CSMD1: variants seen among roughly 807,000 people sequenced by gnomAD.
The protein encoded by CSMD1 is CUB and Sushi multiple domains 1, also known as CUB and sushi domain-containing protein 1.
In CSMD1, 213 loss-of-function variants were observed where a neutral mutation model predicts 417.5. The observed-to-expected ratio is 0.51, with a 90% CI of 0.46 to 0.57. CSMD1 has a LOEUF of 0.57. Ranked by LOEUF, CSMD1 falls within the 20% of genes least tolerant of loss-of-function variation. CSMD1 has a pLI of 0.00. For missense variants in CSMD1, 6,923 were observed against 4,529.7 expected (o/e 1.53, Z -15.17); for synonymous variants, 2,862 against 1,736.8 (o/e 1.65, Z -16.11).
chr8:3,141,834 G>C (rs1818505530), intron 41 of CSMD1, among the ~76,000 whole-genome samples: 1 of 146,792 alleles, frequency 6.8e-6, no homozygotes. Context: ...GTCTGGCTCT[G>C]TCGCCCAGGC....
intron 7 of CSMD1, chr8:3,702,061 A>G (rs536823697): frequency 2.0e-5 from 3 of 152,294 alleles, no homozygotes; most frequent in African/African-American, 7.2e-5. Flanking sequence ...GGTTAAATAC[A>G]GGAGAATTCC....
intron 5 of CSMD1, among the ~76,000 whole-genome samples, chr8:3,811,582 T>C (rs961783158): frequency 2.1e-4 from 32 of 152,252 alleles, no homozygotes; most frequent in African/African-American, 6.0e-4. Context: ...GTCAAGGCCA[T>C]CATGGGACAA....
intron 25 of CSMD1, among the ~76,000 whole-genome samples, chr8:3,286,076 G>T (rs186213951): frequency 6.6e-6 from 1 of 152,028 alleles, no homozygotes; most frequent in Non-Finnish European, 1.5e-5. Flanking sequence ...AACATGAGGC[G>T]TTTGGTTTTT....
At chr8:4,196,859 T>C (rs568622624) in intron 3 of CSMD1, among the ~76,000 whole-genome samples, 62 of 152,184 alleles carry the variant, frequency 4.1e-4, no homozygotes, top group Non-Finnish European at 6.9e-4. Context: ...CATGCCTTCA[T>C]AGAAAACATA....
intron 1 of CSMD1, among the ~76,000 whole-genome samples, chr8:4,798,074 A>C (rs1404730098): frequency 6.6e-6 from 1 of 152,210 alleles, no homozygotes; most frequent in East Asian, 1.9e-4. Flanking sequence ...CAGGTTTCTT[A>C]AGTATGTGTA....
intron 3 of CSMD1, among the ~76,000 whole-genome samples, chr8:4,240,556 C>T (rs568692929): frequency 1.3e-5 from 2 of 152,152 alleles, no homozygotes; most frequent in African/African-American, 2.4e-5. Context: ...GAAGCCTGTG[C>T]CTCCTGCCTT....
At chr8:3,206,565 A>ATGTG (rs67690876) in intron 30 of CSMD1, among the ~76,000 whole-genome samples, 2 of 96,770 alleles carry the variant, frequency 2.1e-5, no homozygotes, top group African/African-American at 8.3e-5. Context: ...CTGTGTGTGT[A>ATGTG]TGTGTGTGTG....
At chr8:4,237,713 A>G (rs575831872) in intron 3 of CSMD1, among the ~76,000 whole-genome samples, 3 of 152,102 alleles carry the variant, frequency 2.0e-5, no homozygotes, top group African/African-American at 7.2e-5. Flanking sequence ...TGGTTTTGCT[A>G]TGTTGACCAG....
chr8:4,107,328 C>G (rs966414584), intron 3 of CSMD1, among the ~76,000 whole-genome samples: 3 of 152,180 alleles, frequency 2.0e-5, no homozygotes, highest in Non-Finnish European at 4.4e-5. Context: ...GAGAGGATTT[C>G]CATTCAGGAA....
At chr8:4,494,218 C>T (rs1048382072) in intron 2 of CSMD1, among the ~76,000 whole-genome samples, 1 of 152,096 alleles carries the variant, frequency 6.6e-6, no homozygotes, top group Non-Finnish European at 1.5e-5. Context: ...TCTTCCTTAC[C>T]AAAAACAGAT....
At chr8:3,409,687 G>C in intron 12 of CSMD1, 82 bp from the exon 13 acceptor site, 1 of 1,146,384 alleles carries the variant, frequency 8.7e-7, no homozygotes, top group Non-Finnish European at 1.2e-6. Context: ...AAGTAAATAC[G>C]TGGCTTCTTT....
intron 10 of CSMD1, among the ~76,000 whole-genome samples, chr8:3,551,598 T>TATATA (rs199718196): frequency 1.4e-4 from 14 of 97,800 alleles, no homozygotes; most frequent in African/African-American, 5.0e-4. Flanking sequence ...ATATATATAT[T>TATATA]TTTTTTTTTT....
intron 1 of CSMD1, among the ~76,000 whole-genome samples, chr8:4,733,406 T>C (rs957503140): frequency 2.6e-5 from 4 of 152,112 alleles, no homozygotes; most frequent in African/African-American, 9.7e-5. Context: ...TAACCATATC[T>C]TGGAAAGAAG....
intron 2 of CSMD1, among the ~76,000 whole-genome samples, chr8:4,562,439 G>A (rs1235900858): frequency 6.6e-6 from 1 of 152,118 alleles, no homozygotes; most frequent in Non-Finnish European, 1.5e-5. Flanking sequence ...AGAAGTTGAA[G>A]TTATAATTCA....
At chr8:3,410,717 T>C (rs536937447) in intron 12 of CSMD1, among the ~76,000 whole-genome samples, 10 of 152,278 alleles carry the variant, frequency 6.6e-5, no homozygotes, top group South Asian at 4.1e-4. Context: ...ACAGGGGTTA[T>C]GTTTTATGGA....
chr8:4,558,287 C>T (rs1367037488), intron 2 of CSMD1, among the ~76,000 whole-genome samples: 1 of 152,178 alleles, frequency 6.6e-6, no homozygotes. Context: ...AGAATATACA[C>T]TTTTGGAAGA....
chr8:3,304,192 T>A (rs1452468293), intron 25 of CSMD1, among the ~76,000 whole-genome samples: 1 of 152,154 alleles, frequency 6.6e-6, no homozygotes, highest in Non-Finnish European at 1.5e-5. Context: ...TACATTTATA[T>A]TAAGATATTT....
intron 52 of CSMD1, among the ~76,000 whole-genome samples, chr8:3,005,908 G>A (rs1332089322): frequency 6.6e-6 from 1 of 152,062 alleles, no homozygotes; most frequent in Non-Finnish European, 1.5e-5. Context: ...CATAGTGTCG[G>A]AAGTTCTGGC....
chr8:3,781,744 C>T (rs955474710), intron 5 of CSMD1, among the ~76,000 whole-genome samples: 3 of 152,182 alleles, frequency 2.0e-5, no homozygotes, highest in African/African-American at 7.2e-5. Context: ...TTGCCCCTGA[C>T]AATCTGATAG....
Sources: gnomAD v4.1 joint callset for allele counts (sites outside exome capture counted in the v4.1 genomes callset) on GRCh38, gnomAD v4.1.1 for gene constraint, MANE v1.5 for transcripts, NCBI Gene and HGNC (gene_info 2026-07-23, HGNC 2026-07-21) for gene names.